The following TLE1 variants were observed in gnomAD, a reference collection of about 807,000 sequenced individuals.
The protein encoded by TLE1 is transducin-like enhancer protein 1.
In TLE1, 21 loss-of-function variants were observed where a neutral mutation model predicts 89.8. The ratio of observed to expected loss-of-function variants is 0.23; its 90% CI spans 0.17 to 0.34. TLE1 has a LOEUF of 0.34. TLE1 is among the 10% of genes least tolerant of loss of function. TLE1 has a pLI of 1.00. For synonymous variants in TLE1, 447 were observed against 407.6 expected (o/e 1.10, Z -1.16); for missense variants, 795 against 1,031.2 (o/e 0.77, Z 3.14).
At chr9:81,644,982 TAGAGTG>T (rs1564018262) in intron 6 of TLE1, among the ~76,000 whole-genome samples, 1 of 109,334 alleles carries the variant, frequency 9.1e-6, no homozygotes, top group Non-Finnish European at 1.7e-5. Flanking sequence ...GCCTGGGTGA[TAGAGTG>T]AGACACTGTC....
At chr9:81,596,318 T>C (rs114220627) in intron 14 of TLE1, among the ~76,000 whole-genome samples, 4,631 of 152,254 alleles carry the variant, frequency 0.03, 139 homozygotes, top group African/African-American at 0.076. Context: ...TGGATGTTAA[T>C]ACATCAGTCA....
At chr9:81,678,816 G>C (rs559915025) in intron 4 of TLE1, among the ~76,000 whole-genome samples, 4 of 151,504 alleles carry the variant, frequency 2.6e-5, no homozygotes, top group South Asian at 4.2e-4. Context: ...CTCCAGCCTG[G>C]ATGACAGAGC....
intron 4 of TLE1, among the ~76,000 whole-genome samples, chr9:81,676,729 G>A (rs139717126): frequency 6.6e-6 from 1 of 152,266 alleles, no homozygotes; most frequent in East Asian, 1.9e-4. Context: ...AGACCCTGAA[G>A]ACAATTTACA....
intron 4 of TLE1, among the ~76,000 whole-genome samples, chr9:81,663,200 C>T (rs1831037313): frequency 6.6e-6 from 1 of 152,128 alleles, no homozygotes; most frequent in African/African-American, 2.4e-5. Context: ...CGCCGTCAGG[C>T]TCACCACGTT....
intron 7 of TLE1, chr9:81,633,697 T>G (rs1284957070): frequency 2.0e-6 from 1 of 490,100 alleles, no homozygotes; most frequent in African/African-American, 1.9e-5. Flanking sequence ...AACTAAGTAG[T>G]AACAGATGCA....
In TLE1 at chr9:81,680,942, C is replaced by A. The variant is rs866556036; in HGVS notation, c.234+4734G>T. On this transcript the variant is annotated intron_variant, in intron 4 of 19. Coordinates refer to ENST00000376499, the MANE Select transcript of TLE1 (RefSeq NM_005077.5). ...AACACACAGGGTTAAAAAAAAAAAA[C>A]AAAAAAAACACTAAGGTAAAATTTG... Among the ~76,000 whole-genome samples, 717 of 145,410 alleles carry A rather than the reference C, an allele frequency of 4.9e-3. 6 individuals are homozygous for A. The highest frequency in any genetic ancestry group is 0.013 in the African/African-American group (515 of 39,438).
At chr9:81,589,603 G>A (rs1829182268) in intron 16 of TLE1, among the ~76,000 whole-genome samples, 1 of 152,154 alleles carries the variant, frequency 6.6e-6, no homozygotes, top group East Asian at 1.9e-4. Flanking sequence ...ACATCTGACT[G>A]TGTGACCTGA....
chr9:81,626,506 T>C (rs772710961), intron 8 of TLE1, among the ~76,000 whole-genome samples: 2 of 152,188 alleles, frequency 1.3e-5, no homozygotes, highest in Non-Finnish European at 2.9e-5. Context: ...AGATCCCCAC[T>C]TGTTAACAAC....
At chr9:81,667,076 T>C (rs1831561267) in intron 4 of TLE1, among the ~76,000 whole-genome samples, 2 of 150,402 alleles carry the variant, frequency 1.3e-5, no homozygotes, top group Non-Finnish European at 3.0e-5. Context: ...GAGTTTTGAT[T>C]AAGCCACTGC....
chr9:81,657,658 T>C (rs942595900), intron 4 of TLE1, among the ~76,000 whole-genome samples: 2 of 152,110 alleles, frequency 1.3e-5, no homozygotes, highest in Non-Finnish European at 2.9e-5. Flanking sequence ...ATGAATACAG[T>C]GGTCTCTCGG....
intron 6 of TLE1, among the ~76,000 whole-genome samples, chr9:81,648,954 GTACA>G (rs1202772174): frequency 6.6e-5 from 10 of 152,120 alleles, no homozygotes; most frequent in African/African-American, 2.4e-4. Flanking sequence ...AATAAACCTT[GTACA>G]TATTTTGTAC....
intron 6 of TLE1, among the ~76,000 whole-genome samples, chr9:81,642,709 A>AGAACGAAAG (rs1554686036): frequency 5.3e-5 from 8 of 150,366 alleles, no homozygotes; most frequent in Admixed American, 4.6e-4. Flanking sequence ...ATGAAAGAAA[A>AGAACGAAAG]GAAAGAAAGG....
Position 81,654,011 on chromosome 9 carries a change from G to C in TLE1, c.260C>G (p.Thr87Arg). The C allele has an allele frequency of 6.2e-7, 1 of 1,613,824 alleles. No homozygotes were observed. Among genetic ancestry groups the C allele is most frequent in the Non-Finnish European group, 8.5e-7 (1 of 1,179,942 alleles). The change falls in exon 5 of 20, where the codon ACG becomes AGG. Residue 87 changes from threonine (T) to arginine (R), a missense_variant. By Grantham distance (71) the Thr-to-Arg change is moderately conservative. Around this residue, in one of 4 missense-constraint regions of TLE1, gnomAD observed 66 missense variants for 118.7 expected, o/e 0.56. Coordinates refer to ENST00000376499, the MANE Select transcript of TLE1 (RefSeq NM_005077.5). ...KQTEIAKRLN[T>R]ICAQVIPFLS... The stretch of plus-strand genomic sequence containing the variant: ...AAATGGGATGACTTGTGCACAAATC[G>C]TATTCAATCTCTTGGCGATTTCAGT...
chr9:81,617,494 G>C (rs1824686231), intron 9 of TLE1, among the ~76,000 whole-genome samples: 1 of 152,070 alleles, frequency 6.6e-6, no homozygotes, highest in African/African-American at 2.4e-5. Flanking sequence ...TTGAGGCCAG[G>C]AGTTCAAGAC....
chr9:81,597,132 A>G (rs1480103684), intron 14 of TLE1, among the ~76,000 whole-genome samples: 1 of 152,148 alleles, frequency 6.6e-6, no homozygotes, highest in Non-Finnish European at 1.5e-5. Context: ...TTCGTGATCC[A>G]TAAGATAGGA....
At chr9:81,640,940 C>A (rs1388921977) in intron 6 of TLE1, among the ~76,000 whole-genome samples, 1 of 152,132 alleles carries the variant, frequency 6.6e-6, no homozygotes, top group African/African-American at 2.4e-5. Flanking sequence ...AAACTTCACC[C>A]GCTTTGTAAC....
chr9:81,673,375 A>G (rs1240487831), intron 4 of TLE1, among the ~76,000 whole-genome samples: 1 of 151,928 alleles, frequency 6.6e-6, no homozygotes, highest in Non-Finnish European at 1.5e-5. Flanking sequence ...GGAAAGAAAT[A>G]AAACACGGTA....
chr9:81,687,241 C>T, intron 2 of TLE1, 93 bp downstream of exon 2: 1 of 1,031,260 alleles, frequency 9.7e-7, no homozygotes, highest in Non-Finnish European at 1.4e-6. Context: ...CGCCTGGACG[C>T]AAGAACTAAG....
In TLE1 at chr9:81,644,625, T is replaced by C. The variant is rs148583581; in HGVS notation, c.372+7589A>G. On this transcript the variant is annotated intron_variant, in intron 6 of 19. Coordinates refer to ENST00000376499, the MANE Select transcript of TLE1 (RefSeq NM_005077.5). ...TCTTTACAGGGTGACAAAAATGTTC[T>C]AGAAAAATTTTATAGTCGTGATGGT... Among the ~76,000 whole-genome samples, 34 of 152,248 alleles carry C rather than the reference T, an allele frequency of 2.2e-4. No homozygotes were observed. In the East Asian group the frequency reaches 4.5e-3, roughly 20 times the overall value.
Sources: gnomAD v4.1 joint callset for allele counts (sites outside exome capture counted in the v4.1 genomes callset) on GRCh38, gnomAD v4.1.1 for gene constraint, gnomAD v4.1.1 regional missense constraint, MANE v1.5 for transcripts, NCBI Gene and HGNC (gene_info 2026-07-23, HGNC 2026-07-21) for gene names.